The following LEO1 variants were observed in gnomAD, a reference collection of about 807,000 sequenced individuals.
LEO1 encodes the protein RNA polymerase-associated protein LEO1.
In LEO1, 34 loss-of-function variants were observed where a neutral mutation model predicts 80.4. The ratio of observed to expected loss-of-function variants is 0.42; its 90% CI spans 0.32 to 0.56. The LOEUF is 0.56. LEO1 is among the 20% of genes least tolerant of loss of function. The pLI, the probability that LEO1 is intolerant of heterozygous loss-of-function variation, is 0.10. For missense variants in LEO1, 631 were observed against 814.2 expected (o/e 0.77, Z 2.74); for synonymous variants, 262 against 274.9 (o/e 0.95, Z 0.46).
chr15:51,947,351 C>T lies in LEO1; in HGVS notation c.1837G>A (p.Gly613Arg). The T allele has an allele frequency of 1.2e-6, 2 of 1,613,684 alleles. No homozygotes were observed. Among genetic ancestry groups the T allele is most frequent in the Non-Finnish European group, 8.5e-7 (1 of 1,179,776 alleles). Residue 613 changes from glycine (G) to arginine (R), a missense_variant, in exon 11 of 12, where the codon GGA becomes AGA. Around this residue, in one of 4 missense-constraint regions of LEO1, gnomAD observed 117 missense variants for 163.5 expected, o/e 0.72. Coordinates refer to ENST00000299601, the MANE Select transcript of LEO1 (RefSeq NM_138792.4). The part of the protein sequence containing the change: ...ARIYSSDSDE[G>R]SEEDKAQRLL... ...CTTTGAGCTTTATCTTCTTCTGATCCCTCATCACTGTCTGATGAATAGATT... is the reference window on the plus strand; with the variant it reads ...CTTTGAGCTTTATCTTCTTCTGATCTCTCATCACTGTCTGATGAATAGATT...
intron 11 of LEO1, among the ~76,000 whole-genome samples, chr15:51,946,564 T>G (rs1022728109): frequency 2.6e-5 from 4 of 152,026 alleles, no homozygotes; most frequent in African/African-American, 9.7e-5. Flanking sequence ...CATTTTCTTT[T>G]TTTTTTTTTG....
chr15:51,960,933 G>A (rs2057025123), intron 3 of LEO1, among the ~76,000 whole-genome samples, 200 bp from the exon 4 acceptor site: 1 of 152,158 alleles, frequency 6.6e-6, no homozygotes, highest in South Asian at 2.1e-4. Context: ...AAGGCAAGCT[G>A]CACAGGAGGC....
chr15:51,968,122 G>A (rs1244078584), intron 1 of LEO1, among the ~76,000 whole-genome samples: 3 of 152,248 alleles, frequency 2.0e-5, no homozygotes, highest in African/African-American at 4.8e-5. Context: ...GATGGAGGTT[G>A]CAGTGAGCCA....
At chr15:51,940,203 A>G (rs2056837154) in intron 11 of LEO1, among the ~76,000 whole-genome samples, 1 of 142,030 alleles carries the variant, frequency 7.0e-6, no homozygotes, top group Non-Finnish European at 1.5e-5. Flanking sequence ...TGCAGTGGGC[A>G]GAAATCACAC....
At chr15:51,959,235 C>T (rs1340948751) in intron 5 of LEO1, among the ~76,000 whole-genome samples, 1 of 152,124 alleles carries the variant, frequency 6.6e-6, no homozygotes, top group East Asian at 1.9e-4. Context: ...GACTCCTGAC[C>T]TCAGGTGATC....
At chr15:51,938,927 G>A (rs2056824017) in intron 11 of LEO1, among the ~76,000 whole-genome samples, 2 of 152,348 alleles carry the variant, frequency 1.3e-5, no homozygotes, top group African/African-American at 4.8e-5. Flanking sequence ...GCTCATGCCT[G>A]TAATCCCAGC....
intron 1 of LEO1, among the ~76,000 whole-genome samples, chr15:51,967,403 G>T (rs1362822614): frequency 6.6e-6 from 1 of 152,102 alleles, no homozygotes; most frequent in Non-Finnish European, 1.5e-5. Context: ...GATCCAGGAG[G>T]TGGAGGTTGC....
intron 11 of LEO1, among the ~76,000 whole-genome samples, chr15:51,940,282 T>C (rs7174730): frequency 0.014 from 1,572 of 114,522 alleles, 36 homozygotes; most frequent in African/African-American, 0.052. Flanking sequence ...AAAAAAAGGT[T>C]GGGCGTGGTG....
intron 11 of LEO1, 33 bp downstream of exon 11, chr15:51,947,259 T>G: frequency 1.4e-6 from 2 of 1,445,114 alleles, no homozygotes; most frequent in South Asian, 2.3e-5. Flanking sequence ...GAGTACAGGA[T>G]AAACCCCTAG....
At chr15:51,956,183 C>G (rs1478136545) in intron 6 of LEO1, among the ~76,000 whole-genome samples, 1 of 151,996 alleles carries the variant, frequency 6.6e-6, no homozygotes, top group East Asian at 1.9e-4. Context: ...TTTGGGAGGC[C>G]GAGGCAGGCA....
In LEO1 at chr15:51,966,268, T is replaced by C. The variant is rs1359931614; in HGVS notation, c.295A>G (p.Asn99Asp). ...TGCTGATCTACATCTGAGGGGTCAT[T>C]GTCCTCATGGTCAGAACGCTCAGAA... is the stretch of plus-strand genomic sequence containing the variant. Reference protein sequence around the residue: ...EASERSDHEDNDPSDVDQHSG... With the variant: ...EASERSDHEDDDPSDVDQHSG... Residue 99 changes from asparagine (N) to aspartate (D), a missense_variant, in exon 2 of 12, where the codon AAT becomes GAT. Physicochemically the swap from Asn to Asp is conservative, Grantham distance 23. Transcript: ENST00000299601. 8 of 1,614,058 alleles carry C rather than the reference T, an allele frequency of 5.0e-6. No individual in the cohort carries two copies. Among genetic ancestry groups the C allele is most frequent in the Non-Finnish European group, 6.8e-6 (8 of 1,179,970 alleles).
intron 1 of LEO1, among the ~76,000 whole-genome samples, chr15:51,967,055 C>T (rs2057083681): frequency 6.6e-6 from 1 of 151,860 alleles, no homozygotes; most frequent in South Asian, 2.1e-4. Context: ...ATCTGAGAAA[C>T]AGAAAGAAAA....
intron 2 of LEO1, 27 bp downstream of exon 2, chr15:51,965,722 C>G: frequency 6.4e-7 from 1 of 1,568,462 alleles, no homozygotes; most frequent in Non-Finnish European, 8.6e-7. Flanking sequence ...TCTTTCTGAG[C>G]CATTCTGGTT....
Position 51,954,463 on chromosome 15 carries a change from C to G in LEO1, c.1340+18G>C. 2.6e-6 allele frequency: 4 copies of G among 1,519,900 alleles called. No homozygotes were observed. The highest frequency in any genetic ancestry group is 3.7e-6 in the Non-Finnish European group (4 of 1,093,864). The allele number at this position is 1,519,900 out of a possible 1,614,324, so 94.2% of individuals were successfully genotyped here. ...CCGTTCTGGGTATGTCAATACCCTT[C>G]AGGCGTTTTGTGCTCACCTTCCATC... On this transcript the variant is annotated intron_variant, in intron 7 of 11. Coordinates refer to ENST00000299601, the MANE Select transcript of LEO1 (RefSeq NM_138792.4).
chr15:51,939,206 T>A (rs2056826868), intron 11 of LEO1, among the ~76,000 whole-genome samples: 3 of 151,962 alleles, frequency 2.0e-5, no homozygotes, highest in South Asian at 4.2e-4. Flanking sequence ...AATAAATAAA[T>A]AAAAATTAAA....
chr15:51,943,985 C>A (rs2141744456), intron 11 of LEO1, among the ~76,000 whole-genome samples: 1 of 152,208 alleles, frequency 6.6e-6, no homozygotes, highest in Non-Finnish European at 1.5e-5. Context: ...CCACTAAACA[C>A]ACCAACATAC....
chr15:51,949,375 T>G (rs2141753985), intron 10 of LEO1, among the ~76,000 whole-genome samples: 1 of 152,160 alleles, frequency 6.6e-6, no homozygotes, highest in Non-Finnish European at 1.5e-5. Context: ...CTGAATGAAC[T>G]AGGTCACTCA....
At chr15:51,948,926 T>G (rs1004133421) in intron 10 of LEO1, among the ~76,000 whole-genome samples, 1 of 152,162 alleles carries the variant, frequency 6.6e-6, no homozygotes, top group African/African-American at 2.4e-5. Flanking sequence ...ATGACTTTGG[T>G]TTAAGAACTG....
chr15:51,961,178 T>C (rs2057027176), intron 3 of LEO1, among the ~76,000 whole-genome samples: 2 of 151,800 alleles, frequency 1.3e-5, no homozygotes, highest in South Asian at 4.2e-4. Flanking sequence ...AGGTCAGGAG[T>C]TTGACACCAG....
Sources: gnomAD v4.1 joint callset for allele counts (sites outside exome capture counted in the v4.1 genomes callset) on GRCh38, gnomAD v4.1.1 for gene constraint, gnomAD v4.1.1 regional missense constraint, MANE v1.5 for transcripts, NCBI Gene and HGNC (gene_info 2026-07-23, HGNC 2026-07-21) for gene names.